The following PALLD variants were observed in gnomAD, a reference collection of about 807,000 sequenced individuals.
The protein encoded by PALLD is palladin, cytoskeletal associated protein, also known as palladin.
PALLD carries 61 observed loss-of-function variants against 123.5 expected under a neutral mutation model. The observed-to-expected ratio is 0.49, with a 90% confidence interval of 0.40 to 0.61. The LOEUF is 0.61. PALLD is among the 20% of genes least tolerant of loss of function. The pLI is 0.00. For missense variants in PALLD, 1,273 were observed against 1,377.0 expected (o/e 0.92, Z 1.20); for synonymous variants, 465 against 496.4 (o/e 0.94, Z 0.84).
intron 10 of PALLD, among the ~76,000 whole-genome samples, chr4:168,823,286 C>T (rs1210871910): frequency 6.6e-6 from 1 of 152,142 alleles, no homozygotes; most frequent in African/African-American, 2.4e-5. Flanking sequence ...ATAGCTGGCC[C>T]CATCGATTTT....
chr4:168,638,048 G>A (rs1230252639), intron 2 of PALLD, among the ~76,000 whole-genome samples: 1 of 151,568 alleles, frequency 6.6e-6, no homozygotes, highest in African/African-American at 2.4e-5. Context: ...TCCAATTTCA[G>A]GCTTTTCTGT....
intron 2 of PALLD, among the ~76,000 whole-genome samples, chr4:168,575,254 T>C (rs1769431956): frequency 6.6e-6 from 1 of 152,076 alleles, no homozygotes; most frequent in African/African-American, 2.4e-5. Flanking sequence ...TGAGACTTGG[T>C]AATTTATAAA....
chr4:168,849,631 T>G (rs1252789132), intron 10 of PALLD, among the ~76,000 whole-genome samples: 1 of 152,228 alleles, frequency 6.6e-6, no homozygotes. Flanking sequence ...TCATTATTGA[T>G]GGAAAGTGAA....
chr4:168,812,786 T>C (rs1054872266), intron 10 of PALLD, among the ~76,000 whole-genome samples: 2 of 152,206 alleles, frequency 1.3e-5, no homozygotes, highest in African/African-American at 4.8e-5. Context: ...AGTTTTATAA[T>C]GAAGAGTGTA....
chr4:168,679,874 T>C (rs549875374), intron 3 of PALLD, among the ~76,000 whole-genome samples: 8 of 152,156 alleles, frequency 5.3e-5, no homozygotes, highest in African/African-American at 1.7e-4. Flanking sequence ...AAGAATGGAT[T>C]GTGGTAGTCC....
At chr4:168,767,289 G>T (rs201287771) in intron 10 of PALLD, among the ~76,000 whole-genome samples, 8 of 152,232 alleles carry the variant, frequency 5.3e-5, no homozygotes. Flanking sequence ...CAGCCACCAG[G>T]CCCTTACACA....
Position 168,927,210 on chromosome 4 carries a change from T to C in PALLD, c.*1030T>C, listed in dbSNP as rs936922034. On this transcript the variant is annotated 3_prime_UTR_variant, in exon 22 of 22. Transcript: ENST00000505667. Reference sequence around the variant, plus strand: ...GGAGGAATCAGGGGTTTGGAAGGAGTAGGGAGGAGAATGAAGGAAAATGCA... The same window carrying C: ...GGAGGAATCAGGGGTTTGGAAGGAGCAGGGAGGAGAATGAAGGAAAATGCA... 4.4e-6 allele frequency: 1 copy of C among 229,568 alleles called. No individual in the cohort carries two copies. Among genetic ancestry groups the C allele is most frequent in the African/African-American group, 2.2e-5 (1 of 44,708 alleles). 14.2% of individuals were successfully genotyped at this position (229,568 alleles called of 1,614,324 possible).
intron 3 of PALLD, chr4:168,677,887 A>G (rs913668107): frequency 2.6e-5 from 4 of 152,632 alleles, no homozygotes; most frequent in African/African-American, 9.7e-5. Flanking sequence ...AGGTTCAAAC[A>G]AGTCAGCCCC....
chr4:168,555,077 A>G (rs1580289972), intron 2 of PALLD, among the ~76,000 whole-genome samples: 1 of 152,238 alleles, frequency 6.6e-6, no homozygotes, highest in Admixed American at 6.5e-5. Context: ...CAAACAAAAT[A>G]TTCAATTTTA....
chr4:168,889,190 G>A (rs1187438681), intron 10 of PALLD, among the ~76,000 whole-genome samples: 2 of 95,208 alleles, frequency 2.1e-5, no homozygotes, highest in Non-Finnish European at 5.1e-5. Context: ...TTTAGACGGA[G>A]TCTTGCTCTG....
chr4:168,735,031 A>T (rs550549757), intron 10 of PALLD, among the ~76,000 whole-genome samples: 1 of 152,306 alleles, frequency 6.6e-6, no homozygotes, highest in South Asian at 2.1e-4. Flanking sequence ...TCTATGTAAT[A>T]ACTGAAATTT....
chr4:168,657,310 C>G (rs886377259), intron 2 of PALLD, among the ~76,000 whole-genome samples: 3 of 152,188 alleles, frequency 2.0e-5, no homozygotes, highest in African/African-American at 4.8e-5. Flanking sequence ...CTTGGTAAAC[C>G]TATTTGGCCA....
intron 10 of PALLD, among the ~76,000 whole-genome samples, chr4:168,833,158 C>G (rs1420644836): frequency 2.0e-5 from 3 of 152,284 alleles, no homozygotes; most frequent in Non-Finnish European, 2.9e-5. Flanking sequence ...GTGGTCCAGA[C>G]TCTAGAAAGG....
intron 2 of PALLD, among the ~76,000 whole-genome samples, chr4:168,534,879 A>G (rs1416116404): frequency 1.3e-5 from 2 of 152,204 alleles, no homozygotes; most frequent in African/African-American, 4.8e-5. Flanking sequence ...GATAATGACT[A>G]CTGAGGATTA....
chr4:168,754,271 T>A (rs568259021), intron 10 of PALLD, among the ~76,000 whole-genome samples: 2 of 152,218 alleles, frequency 1.3e-5, no homozygotes, highest in Non-Finnish European at 2.9e-5. Context: ...TGCTCTTCCA[T>A]TGTGTGTGTT....
At position 168,926,450 on chromosome 4, in the gene PALLD, T is replaced by C. The variant is rs190300670; in HGVS notation, c.*270T>C. The C allele has an allele frequency of 2.4e-5, 28 of 1,158,868 alleles. No individual in the cohort carries two copies. The African/African-American group carries it at 3.8e-4, about 16-fold the overall frequency. The allele number at this position is 1,158,868 out of a possible 1,614,324, so 71.8% of individuals were successfully genotyped here. A position where few individuals can be genotyped will look rare whatever the true frequency, so the allele number is the denominator to read the frequency against. ...TTGCCTTGACCAACATATTCCTTTGTCACATTATGTAAAAGGCAGAAACAT... is the reference window on the plus strand; with the variant it reads ...TTGCCTTGACCAACATATTCCTTTGCCACATTATGTAAAAGGCAGAAACAT... On this transcript the variant is annotated 3_prime_UTR_variant, in exon 22 of 22. Transcript: ENST00000505667.
intron 8 of PALLD, among the ~76,000 whole-genome samples, chr4:168,703,014 C>G (rs1297429811): frequency 7.1e-6 from 1 of 140,980 alleles, no homozygotes; most frequent in Admixed American, 7.0e-5. Flanking sequence ...CCCACTAACT[C>G]GTCATCTAGC....
At chr4:168,600,003 G>GTGTATACACACACA (rs1561290712) in intron 2 of PALLD, among the ~76,000 whole-genome samples, 13 of 139,762 alleles carry the variant, frequency 9.3e-5, no homozygotes, top group African/African-American at 1.8e-4. Context: ...ATACACACAC[G>GTGTATACACACACA]TATATACATA....
At chr4:168,676,858 T>C (rs780150174) in intron 3 of PALLD, among the ~76,000 whole-genome samples, 9 of 151,810 alleles carry the variant, frequency 5.9e-5, no homozygotes, top group Non-Finnish European at 1.3e-4. Context: ...GGATTACAGG[T>C]GTGAGCCACC....
Sources: allele counts gnomAD v4.1 joint callset (sites outside exome capture counted in the v4.1 genomes callset), GRCh38; gene constraint gnomAD v4.1.1; transcripts MANE v1.5; gene names NCBI Gene and HGNC (gene_info 2026-07-23, HGNC 2026-07-21).